CHST11: variants seen among roughly 807,000 people sequenced by gnomAD.
CHST11 encodes the protein C4S-1.
In CHST11, 9 loss-of-function variants were observed where a neutral mutation model predicts 30.4. The ratio of observed to expected loss-of-function variants is 0.30; its 90% confidence interval spans 0.18 to 0.52. The LOEUF is 0.52. Among genes scored for constraint, CHST11 ranks in the 20% least tolerant of loss-of-function variants. The pLI is 0.97. For synonymous variants in CHST11, 152 were observed against 187.8 expected, an observed-to-expected ratio of 0.81 and a Z score of 1.56; for missense variants, 348 against 460.6, an observed-to-expected ratio of 0.76 and a Z score of 2.24.
intron 2 of CHST11, among the ~76,000 whole-genome samples, chr12:104,672,566 C>G (rs2039706297): frequency 6.6e-6 from 1 of 152,222 alleles, no homozygotes; most frequent in Non-Finnish European, 1.5e-5. Context: ...GCCCTGGCCT[C>G]TTTCAGGAAT....
chr12:104,520,498 T>A lies in CHST11; in HGVS notation c.118+62969T>A, dbSNP rs548618715. On this transcript the variant is annotated intron_variant, in intron 1 of 2. Coordinates refer to ENST00000303694, the MANE Select transcript of CHST11 (RefSeq NM_018413.6). ...TAGCCACTTGTGTAACCTTTTTTTT[T>A]AAACAAAACAAAACAAAAAAAAACA... 1.6e-4 allele frequency among the ~76,000 whole-genome samples: 25 copies of A among 151,758 alleles called. No individual in the cohort carries two copies. In the East Asian group the frequency reaches 1.9e-3, roughly 12 times the overall value.
chr12:104,690,260 A>G (rs1330811017), intron 2 of CHST11, among the ~76,000 whole-genome samples: 1 of 152,166 alleles, frequency 6.6e-6, no homozygotes, highest in African/African-American at 2.4e-5. Flanking sequence ...ATTGCATTGG[A>G]AGGATTTTGT....
chr12:104,602,275 G>A, intron 2 of CHST11: 1 of 471,426 alleles, frequency 2.1e-6, no homozygotes, highest in Non-Finnish European at 3.7e-6. Flanking sequence ...TCGAGCAATG[G>A]GACTCGGGAA....
At chr12:104,691,336 G>A (rs1489515402) in intron 2 of CHST11, among the ~76,000 whole-genome samples, 2 of 152,054 alleles carry the variant, frequency 1.3e-5, no homozygotes, top group Admixed American at 1.3e-4. Flanking sequence ...GCTAAAGTGA[G>A]AGTTAGACTT....
chr12:104,558,665 A>G (rs2038483534), intron 1 of CHST11, among the ~76,000 whole-genome samples: 1 of 150,974 alleles, frequency 6.6e-6, no homozygotes, highest in South Asian at 2.1e-4. Flanking sequence ...TAGCCTCCCA[A>G]GTAACTGGGA....
At chr12:104,698,146 G>A (rs2039962930) in intron 2 of CHST11, among the ~76,000 whole-genome samples, 2 of 152,156 alleles carry the variant, frequency 1.3e-5, no homozygotes, top group Admixed American at 1.3e-4. Flanking sequence ...CTGGAGCCCT[G>A]TTCAGTGCAC....
At chr12:104,680,751 A>G (rs1026564256) in intron 2 of CHST11, among the ~76,000 whole-genome samples, 1 of 152,156 alleles carries the variant, frequency 6.6e-6, no homozygotes, top group African/African-American at 2.4e-5. Context: ...CTGACTTTTA[A>G]CTTATACCAC....
chr12:104,706,582 C>T (rs1387260444), intron 2 of CHST11, among the ~76,000 whole-genome samples: 1 of 152,116 alleles, frequency 6.6e-6, no homozygotes, highest in African/African-American at 2.4e-5. Flanking sequence ...CACCAGGAGA[C>T]ATTCACTTTC....
intron 1 of CHST11, among the ~76,000 whole-genome samples, chr12:104,508,964 C>T (rs1041173286): frequency 1.4e-4 from 22 of 152,166 alleles, no homozygotes; most frequent in African/African-American, 5.3e-4. Context: ...ACCATCATCA[C>T]CACCATCACC....
rs537898879 is a variant in CHST11 at position 104,598,431 on chromosome 12, G to A, written c.119-3475G>A. 2.8e-4 allele frequency among the ~76,000 whole-genome samples: 43 copies of A among 152,298 alleles called. 2 individuals are homozygous for A. In the South Asian group the frequency reaches 8.9e-3, roughly 32 times the overall value. ...TCTGAGGTAGATGGAGCCAGGTTGT[G>A]TGGAAATTGTTTATTCTGTAATTGG... On this transcript the variant is annotated intron_variant, in intron 1 of 2. Coordinates refer to ENST00000303694, the MANE Select transcript of CHST11 (RefSeq NM_018413.6).
chr12:104,507,843 C>T lies in CHST11; in HGVS notation c.118+50314C>T, dbSNP rs115093042. ...TTAAGTTCTTTTCTCACCCGCCCCC[C>T]ACCATGTTTGCTGCCATCCCATTGG... On this transcript the variant is annotated intron_variant, in intron 1 of 2. Coordinates refer to ENST00000303694, the MANE Select transcript of CHST11 (RefSeq NM_018413.6). Among the ~76,000 whole-genome samples the T allele has an allele frequency of 5.4e-3, 825 of 152,294 alleles. 2 individuals are homozygous for T. Among genetic ancestry groups the T allele is most frequent in the African/African-American group, 0.019 (783 of 41,544 alleles).
chr12:104,733,855 G>C (rs963864663), intron 2 of CHST11, among the ~76,000 whole-genome samples: 2 of 152,242 alleles, frequency 1.3e-5, no homozygotes, highest in African/African-American at 4.8e-5. Context: ...AGGAGGAGTT[G>C]GGTGATGGGT....
At chr12:104,625,493 T>TG (rs1329955465) in intron 2 of CHST11, among the ~76,000 whole-genome samples, 1 of 152,086 alleles carries the variant, frequency 6.6e-6, no homozygotes, top group African/African-American at 2.4e-5. Flanking sequence ...TTAGTAGAGA[T>TG]GGGGTTTCAC....
chr12:104,509,966 A>G (rs541474332), intron 1 of CHST11, among the ~76,000 whole-genome samples: 1 of 152,206 alleles, frequency 6.6e-6, no homozygotes, highest in Non-Finnish European at 1.5e-5. Context: ...GGCTCCTTCC[A>G]TGTTGAGAAT....
chr12:104,557,725 G>A (rs1345662812), intron 1 of CHST11, among the ~76,000 whole-genome samples: 2 of 152,130 alleles, frequency 1.3e-5, no homozygotes, highest in African/African-American at 2.4e-5. Flanking sequence ...CATGGTGGGA[G>A]GGAAGGAAGT....
rs1226246406 is a variant in CHST11 at position 104,757,377 on chromosome 12, G to A, written c.633G>A (p.Arg211=). 6.2e-7 allele frequency: 1 copy of A among 1,614,018 alleles called. No homozygotes were observed. Among genetic ancestry groups the A allele is most frequent in the African/African-American group, 1.3e-5 (1 of 74,900 alleles). ...AGTACAACATCTCCTTCCACAAGCG[G>A]TACGGCACCAAGATCATCAAACGCC... ...TQKYNISFHK[R]YGTKIIKRQR... The change falls in exon 3 of 3, where the codon CGG becomes CGA. Residue 211 remains arginine, a synonymous_variant. Transcript: ENST00000303694. This position sits in a 1 kb window ranked among gnomAD's most constrained non-coding sequence, Gnocchi z 6.5.
At chr12:104,656,938 G>A (rs1227788342) in intron 2 of CHST11, among the ~76,000 whole-genome samples, 2 of 152,018 alleles carry the variant, frequency 1.3e-5, no homozygotes, top group Non-Finnish European at 2.9e-5. Context: ...ATGTTTCTAA[G>A]ATATGGTGTT....
chr12:104,534,430 A>T (rs1402135254), intron 1 of CHST11, among the ~76,000 whole-genome samples: 1 of 152,222 alleles, frequency 6.6e-6, no homozygotes, highest in Non-Finnish European at 1.5e-5. Flanking sequence ...ACAATTTCCC[A>T]GCAATATTTT....
intron 1 of CHST11, among the ~76,000 whole-genome samples, chr12:104,540,572 T>C (rs2038276773): frequency 6.6e-6 from 1 of 152,218 alleles, no homozygotes; most frequent in Non-Finnish European, 1.5e-5. Context: ...CCCAGTGACC[T>C]GAGGCCCCTC....
Sources: gnomAD v4.1 joint callset for allele counts (sites outside exome capture counted in the v4.1 genomes callset) on GRCh38, gnomAD v4.1.1 for gene constraint, Gnocchi (gnomAD v3.1) non-coding constraint, MANE v1.5 for transcripts, NCBI Gene and HGNC (gene_info 2026-07-23, HGNC 2026-07-21) for gene names.